PARD3B: variants seen among roughly 807,000 people sequenced by gnomAD.
PARD3B encodes the protein par-3 family cell polarity regulator beta.
A neutral mutation model predicts 130.2 loss-of-function variants in PARD3B; 103 were observed. The observed-to-expected ratio is 0.79, with a 90% confidence interval of 0.67 to 0.93. The LOEUF (loss-of-function observed/expected upper bound fraction) is 0.93. PARD3B is among the 40% of genes least tolerant of loss of function. PARD3B has a pLI of 0.00. For synonymous variants in PARD3B, 583 were observed against 553.2 expected (o/e 1.05, Z -0.76); for missense variants, 1,609 against 1,499.2 (o/e 1.07, Z -1.21).
chr2:205,610,344 T>C (rs1575482339), intron 22 of PARD3B, among the ~76,000 whole-genome samples: 1 of 152,312 alleles, frequency 6.6e-6, no homozygotes, highest in East Asian at 1.9e-4. Flanking sequence ...AGACCCTGTG[T>C]TTGAAATCCT....
intron 2 of PARD3B, among the ~76,000 whole-genome samples, chr2:204,856,359 C>T (rs928258355): frequency 3.3e-5 from 5 of 152,100 alleles, no homozygotes; most frequent in Non-Finnish European, 7.4e-5. Flanking sequence ...TGAGAAATGC[C>T]TGTTCAGATC....
intron 2 of PARD3B, among the ~76,000 whole-genome samples, chr2:204,816,858 T>C (rs1341269618): frequency 6.6e-6 from 1 of 152,094 alleles, no homozygotes; most frequent in Non-Finnish European, 1.5e-5. Flanking sequence ...AGAGAACAAT[T>C]ACATGTGTAT....
intron 20 of PARD3B, among the ~76,000 whole-genome samples, chr2:205,454,256 A>T (rs1266490085): frequency 6.6e-6 from 1 of 152,146 alleles, no homozygotes; most frequent in Non-Finnish European, 1.5e-5. Context: ...GATGCTAAGG[A>T]CAGATTCCAA....
chr2:205,051,003 C>T (rs1335624751), intron 4 of PARD3B, among the ~76,000 whole-genome samples: 1 of 151,980 alleles, frequency 6.6e-6, no homozygotes, highest in Non-Finnish European at 1.5e-5. Context: ...TACGTGGCAC[C>T]CTGCATATAG....
intron 2 of PARD3B, among the ~76,000 whole-genome samples, chr2:204,903,775 A>G (rs543707842): frequency 2.6e-5 from 4 of 152,200 alleles, no homozygotes; most frequent in Non-Finnish European, 4.4e-5. Context: ...GCCTCTAACT[A>G]TCATTTAGCT....
intron 4 of PARD3B, among the ~76,000 whole-genome samples, chr2:205,079,117 A>AGTT (rs1332517204): frequency 6.6e-6 from 1 of 152,236 alleles, no homozygotes; most frequent in African/African-American, 2.4e-5. Flanking sequence ...TATACCACTG[A>AGTT]GTTGCCTGAT....
chr2:204,616,144 T>C (rs12621708), intron 1 of PARD3B, among the ~76,000 whole-genome samples: 84,289 of 152,104 alleles, frequency 0.55, 26,563 homozygotes, highest in Non-Finnish European at 0.7. Context: ...AAACTAAGAA[T>C]TTCTGTTTTG....
intron 22 of PARD3B, among the ~76,000 whole-genome samples, chr2:205,576,128 A>C (rs987070040): frequency 6.6e-6 from 1 of 152,112 alleles, no homozygotes; most frequent in East Asian, 1.9e-4. Flanking sequence ...ATGACGTATG[A>C]TGCAGAGTAT....
intron 1 of PARD3B, among the ~76,000 whole-genome samples, chr2:204,598,018 A>G (rs959454746): frequency 6.6e-6 from 1 of 152,168 alleles, no homozygotes; most frequent in Non-Finnish European, 1.5e-5. Flanking sequence ...TTTTGGAAAC[A>G]TAGCTCCAAA....
At chr2:205,556,861 A>ACCT (rs1286142000) in intron 22 of PARD3B, among the ~76,000 whole-genome samples, 6 of 152,110 alleles carry the variant, frequency 3.9e-5, no homozygotes, top group Non-Finnish European at 7.4e-5. Flanking sequence ...ACATCAACGT[A>ACCT]TGTGTTTTTG....
chr2:204,986,285 A>G (rs1412169675), intron 3 of PARD3B, among the ~76,000 whole-genome samples: 7 of 152,088 alleles, frequency 4.6e-5, no homozygotes, highest in Non-Finnish European at 1.0e-4. Context: ...CAGTTGTATC[A>G]AAAGCACATA....
At chr2:204,838,257 A>C (rs1017707263) in intron 2 of PARD3B, among the ~76,000 whole-genome samples, 1 of 151,712 alleles carries the variant, frequency 6.6e-6, no homozygotes, top group Non-Finnish European at 1.5e-5. Context: ...ATCTCGGCTC[A>C]CTGCAACCTC....
At chr2:205,032,353 T>A (rs1697487649) in intron 3 of PARD3B, among the ~76,000 whole-genome samples, 1 of 152,006 alleles carries the variant, frequency 6.6e-6, no homozygotes, top group African/African-American at 2.4e-5. Context: ...CAACGTGAGG[T>A]CACAAAGGCT....
intron 2 of PARD3B, among the ~76,000 whole-genome samples, chr2:204,844,273 G>A (rs2044373128): frequency 6.6e-6 from 1 of 152,026 alleles, no homozygotes; most frequent in Non-Finnish European, 1.5e-5. Context: ...ATTGATGTCT[G>A]AGAGTAAATA....
chr2:205,344,228 T>G (rs1294374954), intron 18 of PARD3B, among the ~76,000 whole-genome samples: 1 of 74,752 alleles, frequency 1.3e-5, no homozygotes, highest in Admixed American at 1.5e-4. Flanking sequence ...GTGTGTGTGT[T>G]GTAACACAGA....
rs1039188207 is a variant in PARD3B at position 204,799,178 on chromosome 2, C to G, written c.222+112896C>G. Among the ~76,000 whole-genome samples the G allele has an allele frequency of 9.9e-5, 15 of 151,984 alleles. No individual in the cohort carries two copies. Among genetic ancestry groups the G allele is most frequent in the African/African-American group, 3.6e-4 (15 of 41,382 alleles). ...GAGACCCAGACCTGGAAGCATTCAC[C>G]ACAAGCTGCCTGAAAAGCCCATGGG... On this transcript the variant is annotated intron_variant, in intron 2 of 22. Coordinates refer to ENST00000406610, the MANE Select transcript of PARD3B (RefSeq NM_001302769.2). This position sits in a 1 kb window ranked among gnomAD's most constrained non-coding sequence, Gnocchi z 4.1.
intron 2 of PARD3B, among the ~76,000 whole-genome samples, chr2:204,814,533 T>A (rs762165354): frequency 1.1e-4 from 16 of 151,928 alleles, no homozygotes; most frequent in Admixed American, 2.0e-4. Flanking sequence ...TTTTTTCCTT[T>A]CTAATCTCAA....
At chr2:205,100,241 A>G (rs949671316) in intron 4 of PARD3B, among the ~76,000 whole-genome samples, 2 of 152,186 alleles carry the variant, frequency 1.3e-5, no homozygotes, top group African/African-American at 4.8e-5. Flanking sequence ...CAGAGGCAAC[A>G]ATAATGATAT....
chr2:205,034,634 T>C (rs1471445785), intron 3 of PARD3B, among the ~76,000 whole-genome samples: 1 of 152,124 alleles, frequency 6.6e-6, no homozygotes, highest in African/African-American at 2.4e-5. Flanking sequence ...ATGCTCTAAC[T>C]ACAAAACTTG....
Sources: gnomAD v4.1 joint callset for allele counts (sites outside exome capture counted in the v4.1 genomes callset) on GRCh38, gnomAD v4.1.1 for gene constraint, Gnocchi (gnomAD v3.1) non-coding constraint, MANE v1.5 for transcripts, NCBI Gene and HGNC (gene_info 2026-07-23, HGNC 2026-07-21) for gene names.